The following ADGRL3 variants were observed in gnomAD, a reference collection of about 807,000 sequenced individuals.
ADGRL3 encodes the protein adhesion G protein-coupled receptor L3, also known as calcium-independent alpha-latrotoxin receptor 3.
A neutral mutation model predicts 153.5 loss-of-function variants in ADGRL3; 62 were observed. That is an observed-to-expected ratio of 0.40 (90% CI 0.33 to 0.50). The LOEUF is 0.50. ADGRL3 is among the 20% of genes least tolerant of loss of function. ADGRL3 has a pLI of 0.47. For synonymous variants in ADGRL3, 710 were observed against 672.5 expected, an observed-to-expected ratio of 1.06 and a Z score of -0.86; for missense variants, 1,641 against 1,859.4, an observed-to-expected ratio of 0.88 and a Z score of 2.16.
At chr4:61,452,651 C>T (rs527909824) in intron 2 of ADGRL3, among the ~76,000 whole-genome samples, 8 of 152,138 alleles carry the variant, frequency 5.3e-5, no homozygotes, top group Admixed American at 3.3e-4. Context: ...ATATATAAGT[C>T]GAATCCTCTA....
chr4:61,725,352 C>T (rs2096310891), intron 6 of ADGRL3, among the ~76,000 whole-genome samples: 1 of 152,030 alleles, frequency 6.6e-6, no homozygotes, highest in Non-Finnish European at 1.5e-5. Context: ...GTGGCTCATG[C>T]CTGTAATCCC....
intron 4 of ADGRL3, among the ~76,000 whole-genome samples, chr4:61,574,246 G>A (rs2098853221): frequency 6.6e-6 from 1 of 151,920 alleles, no homozygotes; most frequent in African/African-American, 2.4e-5. Context: ...ATGTGCATCT[G>A]TGTATATGTG....
At chr4:61,936,092 C>G (rs751510236) in intron 15 of ADGRL3, 47 bp downstream of exon 15, 1 of 1,597,740 alleles carries the variant, frequency 6.3e-7, no homozygotes, top group South Asian at 1.1e-5. Flanking sequence ...GAACTTGCAT[C>G]AGTTCATTTC....
intron 6 of ADGRL3, among the ~76,000 whole-genome samples, chr4:61,709,701 C>T (rs1343170749): frequency 6.6e-6 from 1 of 152,084 alleles, no homozygotes; most frequent in Non-Finnish European, 1.5e-5. Context: ...TGCCCCTCAA[C>T]CCCTGAGAAA....
rs892499710 is a variant in ADGRL3 at position 61,652,222 on chromosome 4, T to A, written c.474-24604T>A. On this transcript the variant is annotated intron_variant, in intron 5 of 26. Coordinates refer to ENST00000683033, the MANE Select transcript of ADGRL3 (RefSeq NM_001387552.1). ...AGGAGGTTTTTTTAAGATACCAAGA[T>A]AATGCATGGAGTGCAAAGTTTTATA... Among the ~76,000 whole-genome samples the A allele has an allele frequency of 1.2e-4, 18 of 152,326 alleles. 1 individual carries two copies. Among genetic ancestry groups the A allele is most frequent in the Admixed American group, 7.2e-4 (11 of 15,294 alleles).
chr4:61,791,078 A>G (rs919247459), intron 8 of ADGRL3, among the ~76,000 whole-genome samples: 2 of 152,090 alleles, frequency 1.3e-5, no homozygotes, highest in Non-Finnish European at 2.9e-5. Flanking sequence ...TAGCCCCTCC[A>G]AATCTCATGT....
chr4:61,270,003 C>G (rs2093069500), intron 1 of ADGRL3, among the ~76,000 whole-genome samples: 1 of 151,656 alleles, frequency 6.6e-6, no homozygotes, highest in African/African-American at 2.4e-5. Context: ...ATTTAGTTCT[C>G]TTTCCAAATA....
intron 25 of ADGRL3, among the ~76,000 whole-genome samples, chr4:62,055,167 T>C (rs1200655256): frequency 6.6e-6 from 1 of 151,810 alleles, no homozygotes; most frequent in Non-Finnish European, 1.5e-5. Flanking sequence ...ATGTAGCCAA[T>C]TAATACAAAA....
At chr4:61,809,308 T>C (rs142595098) in intron 8 of ADGRL3, among the ~76,000 whole-genome samples, 3 of 152,300 alleles carry the variant, frequency 2.0e-5, no homozygotes, top group Non-Finnish European at 2.9e-5. Context: ...TTTATTGATA[T>C]CTTCTTTTAT....
At chr4:61,375,750 AAG>A (rs2096595495) in intron 1 of ADGRL3, among the ~76,000 whole-genome samples, 1 of 152,164 alleles carries the variant, frequency 6.6e-6, no homozygotes, top group Non-Finnish European at 1.5e-5. Flanking sequence ...TATAAAGACC[AAG>A]GGGTCTATAT....
intron 3 of ADGRL3, among the ~76,000 whole-genome samples, chr4:61,512,293 C>A (rs572930204): frequency 2.0e-5 from 3 of 152,060 alleles, no homozygotes; most frequent in Non-Finnish European, 4.4e-5. Context: ...TCCAATGAGT[C>A]ATAGGTAGTA....
chr4:61,393,224 A>G (rs1357659803), intron 2 of ADGRL3, among the ~76,000 whole-genome samples: 2 of 152,160 alleles, frequency 1.3e-5, no homozygotes, highest in African/African-American at 4.8e-5. Flanking sequence ...TGGGTCATTG[A>G]GAAGAAAAAG....
At chr4:61,461,193 T>G (rs1467458533) in intron 2 of ADGRL3, among the ~76,000 whole-genome samples, 1 of 152,066 alleles carries the variant, frequency 6.6e-6, no homozygotes. Flanking sequence ...CCACAATACG[T>G]GGGAATTATG....
intron 2 of ADGRL3, among the ~76,000 whole-genome samples, chr4:61,491,608 C>T (rs79517289): frequency 0.01 from 1,594 of 152,108 alleles, 30 homozygotes; most frequent in African/African-American, 0.035. Flanking sequence ...TTTGTAGACA[C>T]AGGGTGTTGC....
intron 8 of ADGRL3, chr4:61,775,420 G>T (rs112230532): frequency 1.2e-5 from 8 of 677,692 alleles, no homozygotes; most frequent in African/African-American, 5.3e-5. Context: ...GTGTGTGTGT[G>T]TGTGTGTGTG....
At chr4:61,711,436 C>T (rs1174005267) in intron 6 of ADGRL3, among the ~76,000 whole-genome samples, 1 of 104,970 alleles carries the variant, frequency 9.5e-6, no homozygotes, top group Non-Finnish European at 1.8e-5. Context: ...CCTAACAATA[C>T]TATCTTAAAA....
intron 8 of ADGRL3, among the ~76,000 whole-genome samples, chr4:61,799,843 T>G (rs1244944366): frequency 6.6e-6 from 1 of 152,116 alleles, no homozygotes; most frequent in Non-Finnish European, 1.5e-5. Context: ...GTGCTTATTA[T>G]GTGACAAGCA....
At chr4:61,965,552 A>G (rs980670936) in intron 17 of ADGRL3, among the ~76,000 whole-genome samples, 5 of 152,066 alleles carry the variant, frequency 3.3e-5, no homozygotes, top group Non-Finnish European at 5.9e-5. Flanking sequence ...GATTGAGACC[A>G]TCCTGGCTAA....
intron 1 of ADGRL3, among the ~76,000 whole-genome samples, chr4:61,217,876 A>G (rs1743592810): frequency 1.3e-5 from 2 of 152,192 alleles, no homozygotes; most frequent in Non-Finnish European, 2.9e-5. Flanking sequence ...CAGCTTTAGG[A>G]ATACCAGTGC....
Sources: gnomAD v4.1 joint callset for allele counts (sites outside exome capture counted in the v4.1 genomes callset) on GRCh38, gnomAD v4.1.1 for gene constraint, MANE v1.5 for transcripts, NCBI Gene and HGNC (gene_info 2026-07-23, HGNC 2026-07-21) for gene names.